The following VOPP1 variants were observed in gnomAD, a reference collection of about 807,000 sequenced individuals.
VOPP1 encodes WW domain binding protein VOPP1.
A neutral mutation model predicts 23.5 loss-of-function variants in VOPP1; 8 were observed. That is an observed-to-expected ratio of 0.34 (90% CI 0.20 to 0.61). The LOEUF is 0.61. Ranked by LOEUF, VOPP1 falls within the 20% of genes least tolerant of loss-of-function variation. VOPP1 has a pLI of 0.78. For missense variants in VOPP1, 174 were observed against 238.1 expected (o/e 0.73, Z 1.77); for synonymous variants, 83 against 97.3 (o/e 0.85, Z 0.86).
chr7:55,503,649 G>A (rs528943869), intron 2 of VOPP1, among the ~76,000 whole-genome samples: 258 of 152,334 alleles, frequency 1.7e-3, no homozygotes, highest in Middle Eastern at 3.4e-3. Context: ...GCTTTTGGAA[G>A]GTGATCCGGT....
intron 3 of VOPP1, among the ~76,000 whole-genome samples, chr7:55,496,247 T>C (rs1230979776): frequency 6.6e-6 from 1 of 152,220 alleles, no homozygotes; most frequent in African/African-American, 2.4e-5. Context: ...CCGTTCACAG[T>C]TCAGGGTTTC....
intron 3 of VOPP1, among the ~76,000 whole-genome samples, chr7:55,496,332 T>C (rs1278071440): frequency 6.6e-6 from 1 of 152,204 alleles, no homozygotes; most frequent in Non-Finnish European, 1.5e-5. Context: ...GCCCTGAAGC[T>C]GGGTCTTGCC....
chr7:55,525,173 G>A (rs1562955869), intron 1 of VOPP1, among the ~76,000 whole-genome samples: 1 of 152,110 alleles, frequency 6.6e-6, no homozygotes, highest in South Asian at 2.1e-4. Flanking sequence ...GCCAGTCTGG[G>A]TCTCACTCTC....
intron 1 of VOPP1, chr7:55,537,620 C>T (rs775112239): frequency 1.2e-5 from 19 of 1,533,582 alleles, no homozygotes; most frequent in African/African-American, 4.1e-5. Flanking sequence ...CCCTCCAATA[C>T]GGAGCACACA....
At chr7:55,478,958 G>A (rs1217049128) in intron 4 of VOPP1, among the ~76,000 whole-genome samples, 1 of 152,142 alleles carries the variant, frequency 6.6e-6, no homozygotes. Context: ...AAGAGCTGAG[G>A]GGGGCAGCAG....
downstream of VOPP1, among the ~76,000 whole-genome samples, chr7:55,466,640 T>C (rs770420162): frequency 5.3e-5 from 8 of 152,244 alleles, no homozygotes; most frequent in South Asian, 6.2e-4. Flanking sequence ...CCCCAGACTA[T>C]GAACATCTTA....
chr7:55,517,045 T>C (rs1291922026), intron 2 of VOPP1, among the ~76,000 whole-genome samples: 1 of 145,756 alleles, frequency 6.9e-6, no homozygotes, highest in Non-Finnish European at 1.5e-5. Context: ...GCTCAAGCGA[T>C]TCTCATGCCT....
chr7:55,504,318 G>A (rs548502184), intron 2 of VOPP1, among the ~76,000 whole-genome samples: 2 of 152,366 alleles, frequency 1.3e-5, no homozygotes, highest in South Asian at 4.1e-4. Flanking sequence ...TTTAGAAGCA[G>A]GAAGTACATT....
chr7:55,557,886 C>A (rs567632046), intron 1 of VOPP1, among the ~76,000 whole-genome samples: 1 of 152,172 alleles, frequency 6.6e-6, no homozygotes, highest in Non-Finnish European at 1.5e-5. Flanking sequence ...CCTAACCATG[C>A]CAGATAATGA....
chr7:55,463,873 C>A (rs1454787757), intron 4 of VOPP1, among the ~76,000 whole-genome samples: 1 of 152,200 alleles, frequency 6.6e-6, no homozygotes, highest in Non-Finnish European at 1.5e-5. Context: ...GCTGGTCAAT[C>A]CCCAGATGCC....
chr7:55,517,214 G>A (rs999043036), intron 2 of VOPP1, among the ~76,000 whole-genome samples: 13 of 151,768 alleles, frequency 8.6e-5, no homozygotes, highest in Admixed American at 4.6e-4. Flanking sequence ...CTCCCAGAGT[G>A]CTGGGATTAC....
At position 55,535,990 on chromosome 7, in the gene VOPP1, T is replaced by C. The variant is rs1562605600; in HGVS notation, c.55-14860A>G. Among the ~76,000 whole-genome samples, 4 of 152,338 alleles carry C rather than the reference T, an allele frequency of 2.6e-5. No individual in the cohort carries two copies. In the East Asian group the frequency reaches 5.8e-4, roughly 22 times the overall value. On this transcript the variant is annotated intron_variant, in intron 1 of 4. Transcript: ENST00000285279. ...CACACTCTGTGCCAAGCAAGGATCA[T>C]GCACTCAGGGCCCTGGCTCCTCCTG... is the stretch of plus-strand genomic sequence containing the variant.
At chr7:55,457,647 T>A (rs1791401778) in intron 4 of VOPP1, among the ~76,000 whole-genome samples, 1 of 151,998 alleles carries the variant, frequency 6.6e-6, no homozygotes. Context: ...TTAATAATAG[T>A]CATTCTAAGT....
At chr7:55,446,653 ATCT>A (rs745862739) in intron 4 of VOPP1, among the ~76,000 whole-genome samples, 2 of 152,208 alleles carry the variant, frequency 1.3e-5, no homozygotes, top group African/African-American at 2.4e-5. Context: ...TTCAACAAAC[ATCT>A]TCTTATCCCT....
chr7:55,546,525 C>A (rs192763412), intron 1 of VOPP1, among the ~76,000 whole-genome samples: 1 of 152,152 alleles, frequency 6.6e-6, no homozygotes, highest in Admixed American at 6.5e-5. Context: ...TAGCAATATA[C>A]CAATGTTGGT....
At chr7:55,457,511 GGTCA>G (rs1791397458) in intron 4 of VOPP1, among the ~76,000 whole-genome samples, 1 of 151,912 alleles carries the variant, frequency 6.6e-6, no homozygotes, top group Admixed American at 6.6e-5. Context: ...CTGATTTAGT[GGTCA>G]GTTTTTTTGA....
intron 1 of VOPP1, among the ~76,000 whole-genome samples, chr7:55,569,874 G>A (rs1342810997): frequency 3.3e-5 from 5 of 152,114 alleles, no homozygotes; most frequent in Non-Finnish European, 7.4e-5. Context: ...TGCTAGATAG[G>A]GCCAGGGTGC....
chr7:55,487,001 G>C (rs1040234656), intron 4 of VOPP1, among the ~76,000 whole-genome samples: 5 of 152,170 alleles, frequency 3.3e-5, no homozygotes, highest in Non-Finnish European at 7.3e-5. Flanking sequence ...GGCCTGTAAG[G>C]CTGTCCCATC....
At chr7:55,560,353 G>A (rs1797945052) in intron 1 of VOPP1, among the ~76,000 whole-genome samples, 1 of 152,166 alleles carries the variant, frequency 6.6e-6, no homozygotes, top group African/African-American at 2.4e-5. Flanking sequence ...TTAAGTTAAG[G>A]ATCTTACAAT....
Sources: allele counts gnomAD v4.1 joint callset (sites outside exome capture counted in the v4.1 genomes callset), GRCh38; gene constraint gnomAD v4.1.1; transcripts MANE v1.5; gene names NCBI Gene and HGNC (gene_info 2026-07-23, HGNC 2026-07-21).